Variants in SLC3A1 observed in about 807,000 individuals in gnomAD.
SLC3A1 encodes the protein amino acid transporter heavy chain SLC3A1.
In SLC3A1, 78 loss-of-function variants were observed where a neutral mutation model predicts 60.3. That is an observed-to-expected ratio of 1.29 (90% CI 1.08 to 1.56). The LOEUF is 1.56. Ranked by LOEUF, SLC3A1 falls within the 40% of genes most tolerant of loss-of-function variation. The probability of loss-of-function intolerance (pLI) is 0.00; values close to 1 mark genes in which losing one functional copy is unlikely to be tolerated. For missense variants in SLC3A1, 1,172 were observed against 858.9 expected (o/e 1.36, Z -4.56); for synonymous variants, 392 against 307.9 (o/e 1.27, Z -2.86).
chr2:44,304,113 G>A (rs377687338), intron 6 of SLC3A1, 30 bp from the exon 7 acceptor site: 29 of 1,591,828 alleles, frequency 1.8e-5, no homozygotes, highest in Middle Eastern at 3.3e-4. Flanking sequence ...GACAGGCCCC[G>A]ATGACACTGA....
chr2:44,300,251 G>C (rs982533787), intron 5 of SLC3A1, among the ~76,000 whole-genome samples, 161 bp downstream of exon 5: 7 of 152,190 alleles, frequency 4.6e-5, no homozygotes, highest in African/African-American at 7.2e-5. Context: ...AGTTTGAAAT[G>C]CATATGCACT....
chr2:44,280,721 C>G lies in SLC3A1; in HGVS notation c.436C>G (p.Gln146Glu). The change falls in exon 2 of 10, where the codon CAA becomes GAA. Residue 146 changes from glutamine to glutamate, a missense_variant. Coordinates refer to ENST00000260649, the MANE Select transcript of SLC3A1 (RefSeq NM_000341.4). ...ACTTTGACTTTTTTCTTCAGGTATTCAAGATAAACTGGACTACATCACAGC... is the reference window on the plus strand; with the variant it reads ...ACTTTGACTTTTTTCTTCAGGTATTGAAGATAAACTGGACTACATCACAGC... ...KDGNGDLKGI[Q>E]DKLDYITALN... 1 of 1,606,108 alleles carries G rather than the reference C, an allele frequency of 6.2e-7. No individual in the cohort carries two copies. Among genetic ancestry groups the G allele is most frequent in the Non-Finnish European group, 8.5e-7 (1 of 1,173,104 alleles).
chr2:44,286,737 C>T (rs1157764600), intron 4 of SLC3A1, among the ~76,000 whole-genome samples: 3 of 116,210 alleles, frequency 2.6e-5, no homozygotes, highest in East Asian at 2.5e-4. Flanking sequence ...CTGTGCAGTG[C>T]CTGTGACTGA....
intron 4 of SLC3A1, among the ~76,000 whole-genome samples, chr2:44,294,038 G>C (rs1477795122): frequency 6.6e-6 from 1 of 152,118 alleles, no homozygotes; most frequent in East Asian, 1.9e-4. Flanking sequence ...GTGCAATGTC[G>C]AGAGGGTGTA....
intron 7 of SLC3A1, among the ~76,000 whole-genome samples, chr2:44,310,578 G>A (rs767282847): frequency 1.3e-5 from 2 of 151,986 alleles, no homozygotes; most frequent in African/African-American, 4.8e-5. Context: ...GTCTTTTAAC[G>A]GTTTGACTGA....
intron 6 of SLC3A1, 80 bp from the exon 7 acceptor site, chr2:44,304,063 A>G (rs1251028980): frequency 6.7e-6 from 7 of 1,044,524 alleles, no homozygotes; most frequent in African/African-American, 6.2e-5. Context: ...CATCTTGTAC[A>G]TGCAAGATAA....
In SLC3A1 at chr2:44,301,150, AT is replaced by A. The variant is rs768032396; in HGVS notation, c.1136+26del. ...CAGGTTGACCACGGCATATGCTCTC[AT>A]TTCTTCCCAGGCTTAGTGTGTGATC... On this transcript the variant is annotated intron_variant, in intron 6 of 9. Coordinates refer to ENST00000260649, the MANE Select transcript of SLC3A1 (RefSeq NM_000341.4). 3.7e-6 allele frequency: 6 copies of A among 1,613,716 alleles called. No homozygotes were observed. In the African/African-American group the frequency reaches 8.0e-5, roughly 22 times the overall value.
intron 6 of SLC3A1, chr2:44,301,400 T>C (rs918642564): frequency 3.3e-6 from 2 of 602,678 alleles, no homozygotes; most frequent in Non-Finnish European, 5.9e-6. Flanking sequence ...AAAAAGAGAT[T>C]ATATTAGCTA....
intron 9 of SLC3A1, among the ~76,000 whole-genome samples, chr2:44,316,747 C>CTCTA (rs1227945323): frequency 6.6e-6 from 1 of 152,192 alleles, no homozygotes; most frequent in Non-Finnish European, 1.5e-5. Flanking sequence ...CACATTAGAA[C>CTCTA]TCTATCTTCA....
intron 3 of SLC3A1, chr2:44,285,503 C>T (rs1671592356): frequency 5.5e-6 from 2 of 362,956 alleles, no homozygotes; most frequent in East Asian, 1.5e-4. Context: ...CCAGCGACAT[C>T]GTCAACTATT....
intron 8 of SLC3A1, 74 bp from the exon 9 acceptor site, chr2:44,313,761 A>C: frequency 8.9e-7 from 1 of 1,121,668 alleles, no homozygotes; most frequent in Non-Finnish European, 1.4e-6. Context: ...AATAATTATG[A>C]AGTAAATCAG....
chr2:44,310,178 C>A (rs1672258602), intron 7 of SLC3A1, among the ~76,000 whole-genome samples: 1 of 152,178 alleles, frequency 6.6e-6, no homozygotes, highest in Non-Finnish European at 1.5e-5. Flanking sequence ...CAGGTGTGAG[C>A]CACTGTGCCC....
chr2:44,294,474 G>GC (rs929560113), intron 4 of SLC3A1, among the ~76,000 whole-genome samples: 3 of 150,144 alleles, frequency 2.0e-5, no homozygotes, highest in Non-Finnish European at 4.4e-5. Flanking sequence ...CTGTACGCCA[G>GC]CCTGGGTGAC....
intron 1 of SLC3A1, among the ~76,000 whole-genome samples, chr2:44,277,984 A>T (rs1369087044): frequency 1.3e-5 from 2 of 152,048 alleles, no homozygotes; most frequent in African/African-American, 4.8e-5. Context: ...TCCCTTGTTT[A>T]CTTTCTCCAG....
intron 7 of SLC3A1, among the ~76,000 whole-genome samples, chr2:44,307,821 GTTT>G (rs898456873): frequency 1.3e-5 from 2 of 152,124 alleles, no homozygotes; most frequent in Admixed American, 6.6e-5. Flanking sequence ...AAGCACAGAA[GTTT>G]TTAATTTTTA....
At chr2:44,304,973 C>T (rs1295262049) in intron 7 of SLC3A1, among the ~76,000 whole-genome samples, 1 of 151,916 alleles carries the variant, frequency 6.6e-6, no homozygotes, top group Non-Finnish European at 1.5e-5. Context: ...AGGTGCATGC[C>T]ACCATGGCTG....
intron 4 of SLC3A1, among the ~76,000 whole-genome samples, chr2:44,292,301 A>T (rs905156611): frequency 6.6e-5 from 10 of 152,192 alleles, no homozygotes; most frequent in Non-Finnish European, 1.5e-4. Context: ...TGCTGGAGGC[A>T]GCAGCTCAAT....
At chr2:44,309,785 A>T (rs897500562) in intron 7 of SLC3A1, among the ~76,000 whole-genome samples, 1 of 152,104 alleles carries the variant, frequency 6.6e-6, no homozygotes, top group Non-Finnish European at 1.5e-5. Flanking sequence ...TTTTAGTAGA[A>T]ATGGGGTTTT....
intron 4 of SLC3A1, among the ~76,000 whole-genome samples, chr2:44,290,642 C>A (rs951654250): frequency 6.7e-6 from 1 of 148,240 alleles, no homozygotes; most frequent in Non-Finnish European, 1.5e-5. Flanking sequence ...TCTTGTACTT[C>A]TTTCGTTAAA....
Sources: allele counts gnomAD v4.1 joint callset (sites outside exome capture counted in the v4.1 genomes callset), GRCh38; gene constraint gnomAD v4.1.1; transcripts MANE v1.5; gene names NCBI Gene and HGNC (gene_info 2026-07-23, HGNC 2026-07-21).